Variants in CFI observed in about 807,000 individuals in gnomAD.
CFI encodes C3B/C4B inactivator.
A neutral mutation model predicts 78.8 loss-of-function variants in CFI; 66 were observed. The ratio of observed to expected loss-of-function variants is 0.84; its 90% CI spans 0.69 to 1.03. CFI has a LOEUF of 1.03. Ranked by LOEUF, CFI falls within the 50% of genes least tolerant of loss-of-function variation. The pLI, the probability that CFI is intolerant of heterozygous loss-of-function variation, is 0.00. For missense variants in CFI, 706 were observed against 704.5 expected (o/e 1.00, Z -0.02); for synonymous variants, 250 against 232.6 (o/e 1.07, Z -0.68).
At chr4:109,756,482 C>T (rs900195546) in intron 7 of CFI, among the ~76,000 whole-genome samples, 22 of 151,710 alleles carry the variant, frequency 1.5e-4, no homozygotes, top group African/African-American at 5.3e-4. Context: ...ACAGCAGCTT[C>T]AGAGGGCAAA....
At position 109,741,113 on chromosome 4, in the gene CFI, A is replaced by G. The variant is rs1423349511; in HGVS notation, c.1535-3T>C. 1.2e-6 allele frequency: 2 copies of G among 1,614,022 alleles called. No homozygotes were observed. The highest frequency in any genetic ancestry group is 8.5e-7 in the Non-Finnish European group (1 of 1,179,936). On this transcript the variant is annotated splice_region_variant and splice_polypyrimidine_tract_variant and intron_variant, in intron 12 of 12. Transcript: ENST00000394634. ...ATCGATGGAACCATCATATGTACCT[A>G]AGAAAGAAATGTGAAAGAGAAAATC... is the stretch of plus-strand genomic sequence containing the variant.
the CFI span, among the ~76,000 whole-genome samples, chr4:109,733,848 A>C: frequency 6.6e-6 from 1 of 152,164 alleles, no homozygotes; most frequent in African/African-American, 2.4e-5. Context: ...CGCATTGGGA[A>C]GTTGTCAGAA....
intron 12 of CFI, 27 bp downstream of exon 12, chr4:109,742,464 A>T (rs1427942980): frequency 8.6e-6 from 12 of 1,394,594 alleles, no homozygotes; most frequent in Non-Finnish European, 1.1e-5. Context: ...ACATCTTGAC[A>T]TCTTGGATAA....
intron 11 of CFI, among the ~76,000 whole-genome samples, chr4:109,744,554 T>C (rs981767590): frequency 6.6e-6 from 1 of 152,092 alleles, no homozygotes; most frequent in Non-Finnish European, 1.5e-5. Flanking sequence ...CTCAAGATCC[T>C]TGCTTCTCTC....
intron 9 of CFI, 33 bp from the exon 10 acceptor site, chr4:109,749,354 C>T (rs1724857938): frequency 6.3e-7 from 1 of 1,582,014 alleles, no homozygotes; most frequent in Non-Finnish European, 8.7e-7. Context: ...CACTGCCATT[C>T]TAACAGATAG....
chr4:109,745,965 G>T (rs1031088031), intron 11 of CFI, among the ~76,000 whole-genome samples: 7 of 152,124 alleles, frequency 4.6e-5, no homozygotes, highest in African/African-American at 1.7e-4. Context: ...ATGTGGAATG[G>T]GGCCATTTCA....
At chr4:109,801,841 A>G in intron 1 of CFI, 74 bp downstream of exon 1, 5 of 975,548 alleles carry the variant, frequency 5.1e-6, no homozygotes, top group South Asian at 4.6e-5. Context: ...TTATATATTT[A>G]AGATTATTTT....
chr4:109,773,666 T>C lies in CFI; in HGVS notation c.58-6842A>G, dbSNP rs186974676. Among the ~76,000 whole-genome samples the C allele has an allele frequency of 4.6e-5, 7 of 152,306 alleles. No homozygotes were observed. The East Asian group carries it at 1.4e-3, about 29-fold the overall frequency. ...TGTAGGGAGTATGGGACTTAAATCATTCTGTGGGTGGGAGGTATGTTAAAT... is the reference window on the plus strand; with the variant it reads ...TGTAGGGAGTATGGGACTTAAATCACTCTGTGGGTGGGAGGTATGTTAAAT... On this transcript the variant is annotated intron_variant, in intron 1 of 12. Coordinates refer to ENST00000394634, the MANE Select transcript of CFI (RefSeq NM_000204.5).
chr4:109,745,735 C>T (rs1301182000), intron 11 of CFI, among the ~76,000 whole-genome samples: 2 of 152,106 alleles, frequency 1.3e-5, no homozygotes, highest in Non-Finnish European at 2.9e-5. Context: ...ATTCAACATA[C>T]ACCAAGGCTA....
At position 109,760,584 on chromosome 4, in the gene CFI, C is replaced by A. The variant is rs1385639299; in HGVS notation, c.711G>T (p.Gln237His). ...FQCVNGKYIS[Q>H]MKACDGINDC... is the part of the protein sequence containing the mutation. Reference sequence around the variant, plus strand: ...CATTGATACCATCACAGGCTTTCATCTGAGAAATGTATTTCCCATTCACAC... The same window carrying A: ...CATTGATACCATCACAGGCTTTCATATGAGAAATGTATTTCCCATTCACAC... The change falls in exon 5 of 13, where the codon CAG becomes CAT. Residue 237 changes from glutamine (Q) to histidine (H), a missense_variant. Transcript: ENST00000394634. The A allele has an allele frequency of 6.2e-7, 1 of 1,611,506 alleles. No homozygotes were observed. The highest frequency in any genetic ancestry group is 1.3e-5 in the African/African-American group (1 of 74,864).
At chr4:109,761,790 A>T (rs1268307672) in intron 3 of CFI, 98 bp from the exon 4 acceptor site, 7 of 991,176 alleles carry the variant, frequency 7.1e-6, no homozygotes, top group Non-Finnish European at 7.9e-6. Flanking sequence ...ATGTCCTCTC[A>T]TTCTCTATAT....
At chr4:109,759,265 A>AT (rs55725628) in intron 6 of CFI, among the ~76,000 whole-genome samples, 88,590 of 150,406 alleles carry the variant, frequency 0.59, 27,712 homozygotes, top group Non-Finnish European at 0.71. Context: ...AAAAAAAAAA[A>AT]AATAATAATA....
chr4:109,754,231 C>G (rs952206486), intron 7 of CFI, among the ~76,000 whole-genome samples: 3 of 151,302 alleles, frequency 2.0e-5, no homozygotes, highest in Non-Finnish European at 4.4e-5. Flanking sequence ...ATCCACCCGC[C>G]TTGGCCTCCC....
At chr4:109,784,131 T>G (rs930186291) in intron 1 of CFI, among the ~76,000 whole-genome samples, 2 of 151,866 alleles carry the variant, frequency 1.3e-5, no homozygotes, top group African/African-American at 4.8e-5. Context: ...AAATCACCAC[T>G]AAAGAACTTG....
At chr4:109,739,134 A>T (rs987580483), downstream of CFI, among the ~76,000 whole-genome samples, 6 of 152,320 alleles carry the variant, frequency 3.9e-5, no homozygotes, top group African/African-American at 1.4e-4. Flanking sequence ...CTGGGCAGTA[A>T]CTGATTTTGG....
intron 2 of CFI, among the ~76,000 whole-genome samples, chr4:109,765,893 C>T (rs13108145): frequency 0.62 from 93,967 of 151,746 alleles, 30,730 homozygotes; most frequent in Non-Finnish European, 0.74. Context: ...CCGAGGCGGG[C>T]GGATCACAAG....
At chr4:109,760,500 T>C in intron 5 of CFI, 23 bp downstream of exon 5, 9 of 1,499,694 alleles carry the variant, frequency 6.0e-6, no homozygotes, top group Middle Eastern at 3.4e-4. Flanking sequence ...TTTAGAGGAT[T>C]TAGAGGCTAG....
chr4:109,752,520 G>A lies in CFI; in HGVS notation c.905-17C>T, dbSNP rs768755653. Reference sequence around the variant, plus strand: ...CTGTTTCTTCTATGATAAAACAAAAGATTCCAATGTTTAAAGTTGTTAATT... The same window carrying A: ...CTGTTTCTTCTATGATAAAACAAAAAATTCCAATGTTTAAAGTTGTTAATT... On this transcript the variant is annotated splice_polypyrimidine_tract_variant and intron_variant, in intron 7 of 12. Coordinates refer to ENST00000394634, the MANE Select transcript of CFI (RefSeq NM_000204.5). 49 of 1,603,658 alleles carry A rather than the reference G, an allele frequency of 3.1e-5. No homozygotes were observed. Among genetic ancestry groups the A allele is most frequent in the Non-Finnish European group, 4.1e-5 (48 of 1,170,990 alleles).
chr4:109,756,901 GAAAGAAAGAAAGAAAGAAAGAAAGA>G (rs1726273243), intron 7 of CFI, among the ~76,000 whole-genome samples: 1 of 36,456 alleles, frequency 2.7e-5, no homozygotes, highest in African/African-American at 9.6e-5. Flanking sequence ...AAGAAAGAAA[GAAAGAAAGAAAGAAAGAAAGAAAGA>G]AAGAAAGAAA....
Sources: gnomAD v4.1 joint callset for allele counts (sites outside exome capture counted in the v4.1 genomes callset) on GRCh38, gnomAD v4.1.1 for gene constraint, MANE v1.5 for transcripts, NCBI Gene and HGNC (gene_info 2026-07-23, HGNC 2026-07-21) for gene names.